SV2C: variants seen among roughly 807,000 people sequenced by gnomAD.
SV2C encodes solute carrier family 22 member B3.
A neutral mutation model predicts 79.7 loss-of-function variants in SV2C; 49 were observed. The observed-to-expected ratio is 0.61, with a 90% CI of 0.49 to 0.78. SV2C has a LOEUF of 0.78. Ranked by LOEUF, SV2C falls within the 30% of genes least tolerant of loss-of-function variation. SV2C has a pLI of 0.00. For missense variants in SV2C, 833 were observed against 912.9 expected, an observed-to-expected ratio of 0.91 and a Z score of 1.13; for synonymous variants, 334 against 333.2, an observed-to-expected ratio of 1.00 and a Z score of -0.03.
chr5:75,949,710 T>C, the SV2C span, among the ~76,000 whole-genome samples: 3 of 152,018 alleles, frequency 2.0e-5, no homozygotes, highest in African/African-American at 4.8e-5. Flanking sequence ...CCTTCCACCA[T>C]GATTGTGAGG....
chr5:76,106,668 A>G (rs978888791), intron 1 of SV2C, among the ~76,000 whole-genome samples: 1 of 152,142 alleles, frequency 6.6e-6, no homozygotes, highest in Non-Finnish European at 1.5e-5. Context: ...TGCCTGGAAC[A>G]TTCCTACTAC....
At chr5:76,259,128 T>C (rs999064715) in intron 4 of SV2C, among the ~76,000 whole-genome samples, 3 of 152,252 alleles carry the variant, frequency 2.0e-5, no homozygotes, top group African/African-American at 7.2e-5. Flanking sequence ...TTTTTAAGGC[T>C]GCTCTCTGAA....
At chr5:75,937,580 A>G in the SV2C span, among the ~76,000 whole-genome samples, 92,289 of 151,854 alleles carry the variant, frequency 0.61, 29,711 homozygotes, top group African/African-American at 0.83. Context: ...ATTGTGGCAT[A>G]CACCTGTGGT....
At chr5:76,230,052 C>T (rs536252163) in intron 4 of SV2C, among the ~76,000 whole-genome samples, 64 of 152,204 alleles carry the variant, frequency 4.2e-4, no homozygotes, top group African/African-American at 1.5e-3. Context: ...TCCATCACTA[C>T]GGGAATGGGT....
the SV2C span, among the ~76,000 whole-genome samples, chr5:75,918,995 C>T: frequency 6.6e-6 from 1 of 152,202 alleles, no homozygotes; most frequent in Admixed American, 6.5e-5. Flanking sequence ...AAGTTTTAAA[C>T]ATTCCGGCAG....
the SV2C span, among the ~76,000 whole-genome samples, chr5:75,922,546 C>A: frequency 6.6e-6 from 1 of 152,138 alleles, no homozygotes; most frequent in Non-Finnish European, 1.5e-5. Context: ...TTCTGGAAGG[C>A]AAATAGTTAT....
chr5:76,033,470 A>T, the SV2C span, among the ~76,000 whole-genome samples: 1 of 152,232 alleles, frequency 6.6e-6, no homozygotes, highest in African/African-American at 2.4e-5. Flanking sequence ...ACATATGGCT[A>T]GCCAGTTTTC....
At chr5:76,203,060 G>A (rs1471165797) in intron 3 of SV2C, among the ~76,000 whole-genome samples, 1 of 152,122 alleles carries the variant, frequency 6.6e-6, no homozygotes, top group Non-Finnish European at 1.5e-5. Context: ...CAACAAAAAG[G>A]CTGACCTTTT....
chr5:76,208,593 T>C (rs1330951660), intron 3 of SV2C, among the ~76,000 whole-genome samples: 1 of 152,206 alleles, frequency 6.6e-6, no homozygotes, highest in East Asian at 1.9e-4. Flanking sequence ...AATACTTCTT[T>C]ATCATATCAA....
At chr5:75,916,453 C>T in the SV2C span, among the ~76,000 whole-genome samples, 4 of 150,150 alleles carry the variant, frequency 2.7e-5, no homozygotes, top group African/African-American at 4.9e-5. Flanking sequence ...TCTCCTCCTC[C>T]TCCTTCTCTT....
In SV2C at chr5:76,230,237, C is replaced by T. The variant is rs79767913; in HGVS notation, c.913+20350C>T. Among the ~76,000 whole-genome samples, 1,085 of 152,262 alleles carry T rather than the reference C, an allele frequency of 7.1e-3. 13 individuals are homozygous for T. Among genetic ancestry groups the T allele is most frequent in the African/African-American group, 0.025 (1,036 of 41,534 alleles). ...AAGGATTTACTCACATTCAAATCCA[C>T]AATTAAAACACATTGGCTATGATGG... On this transcript the variant is annotated intron_variant, in intron 4 of 12. Transcript: ENST00000502798.
intron 3 of SV2C, among the ~76,000 whole-genome samples, chr5:76,202,618 T>C (rs969999504): frequency 6.6e-6 from 1 of 152,142 alleles, no homozygotes; most frequent in Non-Finnish European, 1.5e-5. Flanking sequence ...GGAAAGACCT[T>C]CCCCAATATG....
At chr5:76,300,156 AATT>A (rs142593511) in intron 10 of SV2C, among the ~76,000 whole-genome samples, 66,230 of 139,366 alleles carry the variant, frequency 0.48, 15,667 homozygotes, top group Non-Finnish European at 0.51. Flanking sequence ...TCAAATAAAA[AATT>A]ATTATTATTA....
the SV2C span, among the ~76,000 whole-genome samples, chr5:75,940,005 G>A: frequency 6.6e-6 from 1 of 152,020 alleles, no homozygotes; most frequent in Admixed American, 6.6e-5. Flanking sequence ...TCATTCCTGC[G>A]ACTATCATTC....
At chr5:76,143,671 C>G (rs1219051960) in intron 2 of SV2C, among the ~76,000 whole-genome samples, 2 of 152,196 alleles carry the variant, frequency 1.3e-5, no homozygotes, top group African/African-American at 4.8e-5. Context: ...GACTGGAGTT[C>G]AGTGTGGGGG....
chr5:76,093,973 T>C (rs912933344), intron 1 of SV2C, among the ~76,000 whole-genome samples: 7 of 152,164 alleles, frequency 4.6e-5, no homozygotes, highest in African/African-American at 1.7e-4. Flanking sequence ...TGGAGCTGGA[T>C]GCAGTAGCAC....
chr5:76,047,129 G>A, the SV2C span, among the ~76,000 whole-genome samples: 1 of 152,108 alleles, frequency 6.6e-6, no homozygotes, highest in Non-Finnish European at 1.5e-5. Context: ...ATCCAGAGAA[G>A]TACAAAAATC....
At chr5:76,003,198 T>C in the SV2C span, among the ~76,000 whole-genome samples, 1 of 152,174 alleles carries the variant, frequency 6.6e-6, no homozygotes, top group East Asian at 1.9e-4. Context: ...CCATGCAGAA[T>C]TGTGAGTCAA....
chr5:76,342,247 C>G (rs1260846844), intron 12 of SV2C, among the ~76,000 whole-genome samples: 1 of 152,194 alleles, frequency 6.6e-6, no homozygotes, highest in East Asian at 1.9e-4. Context: ...CTGCCTTTCC[C>G]CTGCTACCCA....
Sources: allele counts gnomAD v4.1 joint callset (sites outside exome capture counted in the v4.1 genomes callset), GRCh38; gene constraint gnomAD v4.1.1; transcripts MANE v1.5; gene names NCBI Gene and HGNC (gene_info 2026-07-23, HGNC 2026-07-21).